The following SH3BGRL2 variants were observed in gnomAD, a reference collection of about 807,000 sequenced individuals.
SH3BGRL2 encodes the protein SH3 domain binding glutamate rich protein like 2.
A neutral mutation model predicts 14.8 loss-of-function variants in SH3BGRL2; 21 were observed. The observed-to-expected ratio is 1.42, with a 90% CI of 1.01 to 2.05. The LOEUF (loss-of-function observed/expected upper bound fraction) is 2.05. Ranked by LOEUF, SH3BGRL2 falls within the 30% of genes most tolerant of loss-of-function variation. The probability of loss-of-function intolerance (pLI) is 0.00; values close to 1 mark genes in which losing one functional copy is unlikely to be tolerated. For synonymous variants in SH3BGRL2, 50 were observed against 47.8 expected, an observed-to-expected ratio of 1.05 and a Z score of -0.19; for missense variants, 147 against 130.8, an observed-to-expected ratio of 1.12 and a Z score of -0.61.
chr6:79,559,095 C>G, the SH3BGRL2 span, among the ~76,000 whole-genome samples: 11,200 of 152,158 alleles, frequency 0.074, 1,309 homozygotes, highest in East Asian at 0.55. Context: ...TCCAGGTGTT[C>G]TCTGATTTTT....
At chr6:79,598,877 G>A in the SH3BGRL2 span, among the ~76,000 whole-genome samples, 1 of 152,012 alleles carries the variant, frequency 6.6e-6, no homozygotes, top group South Asian at 2.1e-4. Context: ...GAGGTCGGGA[G>A]TTCAAGACCA....
At chr6:79,619,045 A>G in the SH3BGRL2 span, among the ~76,000 whole-genome samples, 1 of 151,994 alleles carries the variant, frequency 6.6e-6, no homozygotes, top group Non-Finnish European at 1.5e-5. Context: ...TTTCCCTGTA[A>G]TAAATTTTAA....
intron 2 of SH3BGRL2, among the ~76,000 whole-genome samples, chr6:79,677,634 A>G (rs1344927841): frequency 6.6e-6 from 1 of 152,124 alleles, no homozygotes; most frequent in Non-Finnish European, 1.5e-5. Flanking sequence ...CAGACAGGGA[A>G]ATTCCTTCTG....
chr6:79,571,222 C>A, the SH3BGRL2 span, among the ~76,000 whole-genome samples: 3,865 of 152,288 alleles, frequency 0.025, 61 homozygotes, highest in Middle Eastern at 0.071. Context: ...CTGTCCCTAA[C>A]CTTAGCACAT....
chr6:79,538,326 C>G, the SH3BGRL2 span, among the ~76,000 whole-genome samples: 3 of 152,092 alleles, frequency 2.0e-5, no homozygotes, highest in East Asian at 5.8e-4. Flanking sequence ...ATCTTCTAAC[C>G]ATGAAGATTG....
intron 1 of SH3BGRL2, among the ~76,000 whole-genome samples, chr6:79,644,095 C>T (rs1315984389): frequency 6.6e-6 from 1 of 152,160 alleles, no homozygotes; most frequent in African/African-American, 2.4e-5. Flanking sequence ...TCCATGGGGA[C>T]AAATGGTTGC....
At chr6:79,641,932 A>T (rs946090429) in intron 1 of SH3BGRL2, among the ~76,000 whole-genome samples, 1 of 152,198 alleles carries the variant, frequency 6.6e-6, no homozygotes, top group African/African-American at 2.4e-5. Context: ...TTATAATTTG[A>T]GCAGGCCATT....
At chr6:79,590,455 A>ATATATATATATATG in the SH3BGRL2 span, among the ~76,000 whole-genome samples, 361 of 116,082 alleles carry the variant, frequency 3.1e-3, 18 homozygotes, top group East Asian at 0.028. Context: ...ATATATATAT[A>ATATATATATATATG]TATATATATG....
the SH3BGRL2 span, among the ~76,000 whole-genome samples, chr6:79,545,976 G>A: frequency 6.6e-6 from 1 of 151,828 alleles, no homozygotes; most frequent in African/African-American, 2.4e-5. Context: ...GAATAACACT[G>A]ACTTTCCAGG....
intron 2 of SH3BGRL2, among the ~76,000 whole-genome samples, chr6:79,694,451 G>A (rs1041961779): frequency 6.6e-6 from 1 of 152,198 alleles, no homozygotes. Flanking sequence ...CAGTCCATGA[G>A]ATTTTGCCTG....
rs1017281258 is a variant in SH3BGRL2, at chr6:79,701,903, A to G, written c.*2394A>G. ...TCTTAAAATACTAGGAAAGAAGTGG[A>G]TGGGAATTGTAGGCATAGATTTCAT... is the stretch of plus-strand genomic sequence containing the variant. On this transcript the variant is annotated 3_prime_UTR_variant, in exon 4 of 4. Coordinates refer to ENST00000369838, the MANE Select transcript of SH3BGRL2 (RefSeq NM_031469.4). The G allele has an allele frequency of 1.3e-5, 2 of 152,606 alleles. No homozygotes were observed. The highest frequency in any genetic ancestry group is 4.8e-5 in the African/African-American group (2 of 41,432). 9.5% of individuals were successfully genotyped at this position (152,606 alleles called of 1,614,324 possible).
chr6:79,668,569 G>A (rs1003065687), intron 1 of SH3BGRL2, among the ~76,000 whole-genome samples: 5 of 152,260 alleles, frequency 3.3e-5, no homozygotes, highest in African/African-American at 4.8e-5. Context: ...ACATCTGAGG[G>A]AGGAGTTTGC....
upstream of SH3BGRL2, among the ~76,000 whole-genome samples, chr6:79,627,388 C>T (rs2127720343): frequency 6.6e-6 from 1 of 152,238 alleles, no homozygotes; most frequent in East Asian, 1.9e-4. Flanking sequence ...CTGAGAGTTT[C>T]CTTTAGAAGG....
chr6:79,696,056 C>T (rs141326786), intron 2 of SH3BGRL2, among the ~76,000 whole-genome samples: 1 of 152,078 alleles, frequency 6.6e-6, no homozygotes, highest in Admixed American at 6.5e-5. Context: ...CACATGGAGA[C>T]CTTTACAGCT....
At chr6:79,618,004 A>C in the SH3BGRL2 span, among the ~76,000 whole-genome samples, 11,173 of 152,348 alleles carry the variant, frequency 0.073, 518 homozygotes, top group Non-Finnish European at 0.1. Flanking sequence ...ATCAACATCC[A>C]TTGATATTTA....
rs570466278 is a variant in SH3BGRL2 at position 79,655,221 on chromosome 6, G to A, written c.46-18393G>A. Among the ~76,000 whole-genome samples, 5 of 152,170 alleles carry A rather than the reference G, an allele frequency of 3.3e-5. No individual in the cohort carries two copies. In the East Asian group the frequency reaches 9.7e-4, roughly 29 times the overall value. On this transcript the variant is annotated intron_variant, in intron 1 of 3. Coordinates refer to ENST00000369838, the MANE Select transcript of SH3BGRL2 (RefSeq NM_031469.4). ...CATATGAGTTAGCTAGGTGAAGCTG[G>A]AAAGAGGTTTCATGGGCTGCTGACT...
At chr6:79,624,425 A>C in the SH3BGRL2 span, among the ~76,000 whole-genome samples, 3 of 151,986 alleles carry the variant, frequency 2.0e-5, no homozygotes, top group African/African-American at 4.8e-5. Flanking sequence ...TTAAAAATCA[A>C]AATAAAAATA....
chr6:79,547,033 A>G, the SH3BGRL2 span, among the ~76,000 whole-genome samples: 1 of 152,084 alleles, frequency 6.6e-6, no homozygotes, highest in Admixed American at 6.6e-5. Context: ...AGCATTTGAG[A>G]CAGTTCTTGG....
the SH3BGRL2 span, among the ~76,000 whole-genome samples, chr6:79,590,026 G>C: frequency 1.3e-5 from 2 of 152,104 alleles, no homozygotes; most frequent in Non-Finnish European, 2.9e-5. Flanking sequence ...GCCTGCCCCA[G>C]CTTCCCAAAG....
Sources: gnomAD v4.1 joint callset for allele counts (sites outside exome capture counted in the v4.1 genomes callset) on GRCh38, gnomAD v4.1.1 for gene constraint, MANE v1.5 for transcripts, NCBI Gene and HGNC (gene_info 2026-07-23, HGNC 2026-07-21) for gene names.